The following OSBPL3 variants were observed in gnomAD, a reference collection of about 807,000 sequenced individuals.
The protein encoded by OSBPL3 is oxysterol binding protein like 3, also known as oxysterol-binding protein-related protein 3.
OSBPL3 carries 65 observed loss-of-function variants against 120.1 expected under a neutral mutation model. The ratio of observed to expected loss-of-function variants is 0.54; its 90% CI spans 0.44 to 0.67. The LOEUF (loss-of-function observed/expected upper bound fraction) is 0.67, where lower values mean the gene tolerates loss of function less well. OSBPL3 is among the 30% of genes least tolerant of loss of function. The pLI is 0.00. For missense variants in OSBPL3, 1,004 were observed against 1,082.1 expected (o/e 0.93, Z 1.01); for synonymous variants, 416 against 402.6 (o/e 1.03, Z -0.40).
rs1291576959 is a variant in OSBPL3, at chr7:24,943,521, G to A, written c.-150+36365C>T. 2.0e-5 allele frequency among the ~76,000 whole-genome samples: 3 copies of A among 152,092 alleles called. No individual in the cohort carries two copies. In the South Asian group the frequency reaches 6.2e-4, roughly 32 times the overall value. On this transcript the variant is annotated intron_variant, in intron 1 of 22. Transcript: ENST00000313367. ...CATAGTTTCTATATTTGCTTTGGTG[G>A]GATATTTTAATGACTGAAATAACAG...
At chr7:24,914,270 C>A (rs888941541) in intron 1 of OSBPL3, among the ~76,000 whole-genome samples, 1 of 151,744 alleles carries the variant, frequency 6.6e-6, no homozygotes, top group Non-Finnish European at 1.5e-5. Context: ...CATTGGACAG[C>A]AGAGCCAGTA....
intron 10 of OSBPL3, among the ~76,000 whole-genome samples, chr7:24,860,533 C>T (rs1305561640): frequency 1.3e-5 from 2 of 152,184 alleles, no homozygotes; most frequent in African/African-American, 2.4e-5. Flanking sequence ...CCATGTAAGA[C>T]ATGCTTTTCG....
At chr7:24,970,423 A>G (rs932663630) in intron 1 of OSBPL3, among the ~76,000 whole-genome samples, 1 of 152,134 alleles carries the variant, frequency 6.6e-6, no homozygotes, top group African/African-American at 2.4e-5. Context: ...CCCTTTCTTT[A>G]TCTCAATCCC....
intron 19 of OSBPL3, among the ~76,000 whole-genome samples, chr7:24,814,557 G>A (rs1414974548): frequency 6.6e-6 from 1 of 151,394 alleles, no homozygotes; most frequent in Admixed American, 6.6e-5. Flanking sequence ...CATTCACAAT[G>A]CTGTGCAACC....
rs1474500821 is a variant in OSBPL3 at position 24,813,565 on chromosome 7, C to G, written c.2172+1494G>C. On this transcript the variant is annotated intron_variant, in intron 19 of 22. Coordinates refer to ENST00000313367, the MANE Select transcript of OSBPL3 (RefSeq NM_015550.4). The surrounding 1 kb of genome is among the most constrained non-coding windows in gnomAD (Gnocchi z 4.5). Reference sequence around the variant, plus strand: ...CAAGGTAGGGTCATTTTTATTTTGTCCCACATGTAAGGTCATTATGGGCTT... The same window carrying G: ...CAAGGTAGGGTCATTTTTATTTTGTGCCACATGTAAGGTCATTATGGGCTT... 1.3e-5 allele frequency among the ~76,000 whole-genome samples: 2 copies of G among 152,064 alleles called. No individual in the cohort carries two copies. The highest frequency in any genetic ancestry group is 4.1e-4 in the South Asian group (2 of 4,826).
chr7:24,981,484 AACC>A (rs1818351478), upstream of OSBPL3: 1 of 152,498 alleles, frequency 6.6e-6, no homozygotes, highest in Non-Finnish European at 1.5e-5. The surrounding 1 kb of genome is among the most constrained non-coding windows in gnomAD (Gnocchi z 7.3). Context: ...TCCCCCTGCC[AACC>A]ACCACCTGCA....
chr7:24,937,714 T>C lies in OSBPL3; in HGVS notation c.-150+42172A>G, dbSNP rs1038874587. On this transcript the variant is annotated intron_variant, in intron 1 of 22. Coordinates refer to ENST00000313367, the MANE Select transcript of OSBPL3 (RefSeq NM_015550.4). This position sits in a 1 kb window ranked among gnomAD's most constrained non-coding sequence, Gnocchi z 4.0. ...CATGAAACACCTTAAACCTAACTAA[T>C]TACTTATTACCAAATCATTCTCCAA... Among the ~76,000 whole-genome samples, 2 of 152,240 alleles carry C rather than the reference T, an allele frequency of 1.3e-5. No homozygotes were observed. Among genetic ancestry groups the C allele is most frequent in the African/African-American group, 4.8e-5 (2 of 41,466 alleles).
rs1391621602 is a variant in OSBPL3 at position 24,819,488 on chromosome 7, G to C, written c.1948+687C>G. On this transcript the variant is annotated intron_variant, in intron 17 of 22. Transcript: ENST00000313367. This position sits in a 1 kb window ranked among gnomAD's most constrained non-coding sequence, Gnocchi z 4.1. ...TCCAAAGAGAGAAACTGAGTGGCTG[G>C]GGAAGGGGGTTACAGTATACTGTTT... is the stretch of plus-strand genomic sequence containing the variant. 1.3e-5 allele frequency among the ~76,000 whole-genome samples: 2 copies of C among 152,130 alleles called. No homozygotes were observed. Among genetic ancestry groups the C allele is most frequent in the Non-Finnish European group, 2.9e-5 (2 of 68,026 alleles).
At chr7:24,847,529 C>T (rs186045302) in intron 12 of OSBPL3, among the ~76,000 whole-genome samples, 3 of 152,264 alleles carry the variant, frequency 2.0e-5, no homozygotes, top group East Asian at 3.9e-4. Flanking sequence ...TTAAAATATG[C>T]ATTTTAAATA....
intron 1 of OSBPL3, among the ~76,000 whole-genome samples, chr7:24,909,481 T>C (rs2128411606): frequency 6.6e-6 from 1 of 152,312 alleles, no homozygotes. Context: ...AGTGTCACCA[T>C]GCCAGCCAAG....
At chr7:24,963,835 T>C (rs1816072035) in intron 1 of OSBPL3, among the ~76,000 whole-genome samples, 1 of 152,182 alleles carries the variant, frequency 6.6e-6, no homozygotes. Context: ...ATGAAATCAA[T>C]TTAGTGGATC....
rs553838412 is a variant in OSBPL3, at chr7:24,923,672, G to T, written c.-149-31051C>A. On this transcript the variant is annotated intron_variant, in intron 1 of 22. Transcript: ENST00000313367. The stretch of plus-strand genomic sequence containing the variant: ...ACAGGCAGACAGACAGCACGCACAT[G>T]CAATGAGACAGGGGCAGGCAAATAG... Among the ~76,000 whole-genome samples, 9 of 152,208 alleles carry T rather than the reference G, an allele frequency of 5.9e-5. No homozygotes were observed. In the East Asian group the frequency reaches 1.7e-3, roughly 29 times the overall value.
chr7:24,835,074 T>C lies in OSBPL3; in HGVS notation c.1496-338A>G, dbSNP rs1412206910. 6.6e-6 allele frequency among the ~76,000 whole-genome samples: 1 copy of C among 152,204 alleles called. No individual in the cohort carries two copies. Among genetic ancestry groups the C allele is most frequent in the Non-Finnish European group, 1.5e-5 (1 of 68,032 alleles). ...TGTTTATAAAAACTTGTAAACTTTTTAAAAAATCACTTTAAATTCTGGTAA... is the reference window on the plus strand; with the variant it reads ...TGTTTATAAAAACTTGTAAACTTTTCAAAAAATCACTTTAAATTCTGGTAA... On this transcript the variant is annotated intron_variant, in intron 14 of 22. Transcript: ENST00000313367. This position sits in a 1 kb window ranked among gnomAD's most constrained non-coding sequence, Gnocchi z 4.8.
Position 24,861,645 on chromosome 7 carries a change from AT to A in OSBPL3, c.994del (p.Met332CysfsTer16). ...GGCAATATGACACAGATCTTCTTGC[AT>A]TTTAGAAAACTCTGATGAGGTTTCA... Reference protein sequence around the residue: ...GSETSSEFSKMQEDLCHIAHK... With the variant: ...GSETSSEFSKXQEDLCHIAHK... On this transcript the variant is annotated frameshift_variant, in exon 10 of 23. Coordinates refer to ENST00000313367, the MANE Select transcript of OSBPL3 (RefSeq NM_015550.4). LOFTEE classifies it high-confidence loss of function. 1 of 1,605,866 alleles carries A rather than the reference AT, an allele frequency of 6.2e-7. No homozygotes were observed. Among genetic ancestry groups the A allele is most frequent in the Admixed American group, 1.7e-5 (1 of 58,040 alleles).
intron 1 of OSBPL3, among the ~76,000 whole-genome samples, chr7:24,979,579 C>T (rs887399361): frequency 2.6e-5 from 4 of 152,118 alleles, no homozygotes; most frequent in Non-Finnish European, 4.4e-5. Flanking sequence ...CGCGCCGCGT[C>T]CTCCCGCACC....
At chr7:24,923,135 T>C (rs975007077) in intron 1 of OSBPL3, among the ~76,000 whole-genome samples, 3 of 152,154 alleles carry the variant, frequency 2.0e-5, no homozygotes, top group African/African-American at 7.2e-5. Flanking sequence ...TTTCCATCAA[T>C]CACAATAGGT....
chr7:24,832,529 A>AAAG (rs1328695820), intron 15 of OSBPL3, among the ~76,000 whole-genome samples: 3 of 150,828 alleles, frequency 2.0e-5, no homozygotes, highest in East Asian at 1.9e-4. Flanking sequence ...AAAAAAAAAA[A>AAAG]AAGAAGAAGA....
intron 1 of OSBPL3, among the ~76,000 whole-genome samples, chr7:24,960,736 A>G (rs1815629429): frequency 6.6e-6 from 1 of 152,232 alleles, no homozygotes; most frequent in African/African-American, 2.4e-5. Flanking sequence ...TTCCTGTTGT[A>G]AAAGGAAACA....
At position 24,819,898 on chromosome 7, in the gene OSBPL3, ACT is replaced by A. The variant is rs1794910965; in HGVS notation, c.1948+275_1948+276del. 6.6e-6 allele frequency among the ~76,000 whole-genome samples: 1 copy of A among 152,238 alleles called. No homozygotes were observed. The highest frequency in any genetic ancestry group is 6.5e-5 in the Admixed American group (1 of 15,286). On this transcript the variant is annotated intron_variant, in intron 17 of 22. Coordinates refer to ENST00000313367, the MANE Select transcript of OSBPL3 (RefSeq NM_015550.4). The surrounding 1 kb of genome is among the most constrained non-coding windows in gnomAD (Gnocchi z 4.1). ...AGCTGAAAACCCCTCTGCTGTCTAC[ACT>A]CTGATAAACAACTGTAAATATTTAA... is the stretch of plus-strand genomic sequence containing the variant.
Sources: allele counts gnomAD v4.1 joint callset (sites outside exome capture counted in the v4.1 genomes callset), GRCh38; gene constraint gnomAD v4.1.1; non-coding constraint Gnocchi (gnomAD v3.1); transcripts MANE v1.5; gene names NCBI Gene and HGNC (gene_info 2026-07-23, HGNC 2026-07-21).